DSCAML1: variants seen among roughly 807,000 people sequenced by gnomAD.
The protein encoded by DSCAML1 is DS cell adhesion molecule like 1, also known as cell adhesion molecule DSCAML1.
A neutral mutation model predicts 200.5 loss-of-function variants in DSCAML1; 38 were observed. The ratio of observed to expected loss-of-function variants is 0.19; its 90% CI spans 0.15 to 0.25. The LOEUF (loss-of-function observed/expected upper bound fraction) is 0.25, where lower values mean the gene tolerates loss of function less well. DSCAML1 is among the 10% of genes least tolerant of loss of function. DSCAML1 has a pLI of 1.00. For synonymous variants in DSCAML1, 1,215 were observed against 1,165.0 expected (o/e 1.04, Z -0.87); for missense variants, 2,223 against 2,858.8 (o/e 0.78, Z 5.07).
chr11:117,814,763 G>A (rs1375376622), intron 1 of DSCAML1, among the ~76,000 whole-genome samples: 1 of 152,214 alleles, frequency 6.6e-6, no homozygotes, highest in Non-Finnish European at 1.5e-5. Flanking sequence ...GAGAGAGCAG[G>A]TCAGGAACAC....
chr11:117,786,952 G>A (rs1257817711), intron 1 of DSCAML1, among the ~76,000 whole-genome samples: 1 of 152,180 alleles, frequency 6.6e-6, no homozygotes, highest in Admixed American at 6.5e-5. Flanking sequence ...GGGGACAGGA[G>A]GAATGGTCAG....
chr11:117,429,025 A>G (rs1451201965), intron 32 of DSCAML1, among the ~76,000 whole-genome samples: 1 of 152,084 alleles, frequency 6.6e-6, no homozygotes, highest in Non-Finnish European at 1.5e-5. Context: ...TCCCCACAGG[A>G]TTATTGTGAG....
chr11:117,521,055 C>T (rs2049877114), intron 6 of DSCAML1, 75 bp downstream of exon 6: 2 of 1,564,074 alleles, frequency 1.3e-6, no homozygotes, highest in African/African-American at 1.3e-5. Flanking sequence ...TGGCATTGCT[C>T]CCACCTCAGC....
chr11:117,529,521 G>A (rs1407661662), intron 4 of DSCAML1, among the ~76,000 whole-genome samples: 1 of 152,210 alleles, frequency 6.6e-6, no homozygotes, highest in Non-Finnish European at 1.5e-5. Flanking sequence ...TTGAGGCGGA[G>A]ATGGAAAGTT....
intron 3 of DSCAML1, among the ~76,000 whole-genome samples, chr11:117,584,547 G>T (rs1292685366): frequency 6.6e-6 from 1 of 152,196 alleles, no homozygotes; most frequent in Non-Finnish European, 1.5e-5. Context: ...GATCACTACT[G>T]TCTTGACCTT....
intron 11 of DSCAML1, among the ~76,000 whole-genome samples, chr11:117,488,392 C>T (rs80344165): frequency 0.024 from 3,652 of 152,294 alleles, 133 homozygotes; most frequent in African/African-American, 0.083. Context: ...TTCATTGAGT[C>T]GCAGTAATAA....
intron 3 of DSCAML1, among the ~76,000 whole-genome samples, chr11:117,605,913 C>T (rs1309679430): frequency 6.6e-6 from 1 of 152,134 alleles, no homozygotes; most frequent in Non-Finnish European, 1.5e-5. Context: ...CCAACCCTAA[C>T]CCCCTGGATG....
chr11:117,809,537 A>G (rs2055738405), intron 1 of DSCAML1, among the ~76,000 whole-genome samples: 1 of 152,148 alleles, frequency 6.6e-6, no homozygotes, highest in Non-Finnish European at 1.5e-5. Context: ...GCAGTACAAC[A>G]TAGACGGCGG....
At chr11:117,435,928 A>G in intron 26 of DSCAML1, 129 bp from the exon 27 acceptor site, 1 of 1,027,570 alleles carries the variant, frequency 9.7e-7, no homozygotes, top group Non-Finnish European at 1.4e-6. Flanking sequence ...CTCCTGGCAC[A>G]GAACCCTGGA....
chr11:117,576,457 G>T (rs545279228), intron 3 of DSCAML1, among the ~76,000 whole-genome samples: 3 of 152,290 alleles, frequency 2.0e-5, no homozygotes, highest in Admixed American at 1.3e-4. Flanking sequence ...TTGTTTGATT[G>T]CTTTCTACTC....
chr11:117,757,571 T>TACACACAC (rs1491093522), intron 3 of DSCAML1, among the ~76,000 whole-genome samples: 6 of 83,530 alleles, frequency 7.2e-5, no homozygotes, highest in Non-Finnish European at 1.1e-4. Flanking sequence ...ATTAGGAGCC[T>TACACACAC]ATACACACAC....
At chr11:117,526,704 G>A (rs1592698431) in intron 4 of DSCAML1, among the ~76,000 whole-genome samples, 1 of 152,154 alleles carries the variant, frequency 6.6e-6, no homozygotes, top group East Asian at 1.9e-4. Flanking sequence ...TTTTAGTGGA[G>A]ACGGAGTTTC....
At chr11:117,724,515 C>T (rs11216516) in intron 3 of DSCAML1, among the ~76,000 whole-genome samples, 29,834 of 152,200 alleles carry the variant, frequency 0.2, 3,736 homozygotes, top group South Asian at 0.45. Flanking sequence ...AGCCCTCTTG[C>T]TACTCTTTAT....
chr11:117,452,718 C>G (rs1452724565), intron 19 of DSCAML1, among the ~76,000 whole-genome samples: 1 of 151,444 alleles, frequency 6.6e-6, no homozygotes, highest in African/African-American at 2.4e-5. Flanking sequence ...TTAATTAAGT[C>G]AAATAAAAAA....
At chr11:117,761,287 A>T (rs1301656212) in intron 3 of DSCAML1, among the ~76,000 whole-genome samples, 2 of 152,092 alleles carry the variant, frequency 1.3e-5, no homozygotes, top group African/African-American at 4.8e-5. Flanking sequence ...CCTGGCCGCC[A>T]TAGGAGGCCT....
At chr11:117,435,300 G>A (rs1019298218) in intron 27 of DSCAML1, among the ~76,000 whole-genome samples, 17 of 152,208 alleles carry the variant, frequency 1.1e-4, no homozygotes, top group African/African-American at 3.1e-4. Context: ...CAGGGATCCC[G>A]TGAGAGGGGA....
chr11:117,761,798 C>G (rs10750112), intron 3 of DSCAML1, among the ~76,000 whole-genome samples: 149,946 of 152,354 alleles, frequency 0.98, 73,842 homozygotes, highest in Middle Eastern at 1. Flanking sequence ...TTGAGCATGG[C>G]AGATGGAGGC....
chr11:117,793,609 G>A (rs1016388110), intron 1 of DSCAML1, among the ~76,000 whole-genome samples: 3 of 152,058 alleles, frequency 2.0e-5, no homozygotes, highest in Admixed American at 6.5e-5. Context: ...GTGTCTGGGG[G>A]CTCCTAGCCA....
At chr11:117,431,184 G>A in intron 31 of DSCAML1, 151 bp from the exon 32 acceptor site, 1 of 752,792 alleles carries the variant, frequency 1.3e-6, no homozygotes, top group Non-Finnish European at 2.1e-6. Context: ...GGTGGCAGTG[G>A]TGGCAGAAGT....
Sources: allele counts gnomAD v4.1 joint callset (sites outside exome capture counted in the v4.1 genomes callset), GRCh38; gene constraint gnomAD v4.1.1; transcripts MANE v1.5; gene names NCBI Gene and HGNC (gene_info 2026-07-23, HGNC 2026-07-21).